PRKN: variants seen among roughly 807,000 people sequenced by gnomAD.
PRKN encodes the protein parkin RBR E3 ubiquitin protein ligase, also known as E3 ubiquitin-protein ligase parkin.
In PRKN, 56 loss-of-function variants were observed where a neutral mutation model predicts 59.5. The observed-to-expected ratio is 0.94, with a 90% CI of 0.76 to 1.18. PRKN has a LOEUF of 1.18. Among genes scored for constraint, PRKN ranks in the 50% most tolerant of loss-of-function variants. PRKN has a pLI of 0.00. For missense variants in PRKN, 657 were observed against 596.4 expected (o/e 1.10, Z -1.06); for synonymous variants, 250 against 222.1 (o/e 1.13, Z -1.12).
chr6:161,494,715 T>G (rs1436471101), intron 9 of PRKN, among the ~76,000 whole-genome samples: 2 of 152,236 alleles, frequency 1.3e-5, no homozygotes, highest in African/African-American at 4.8e-5. Context: ...AATAAGCACA[T>G]GTATTCCCAT....
At chr6:161,621,798 G>A (rs986260151) in intron 7 of PRKN, among the ~76,000 whole-genome samples, 1 of 152,148 alleles carries the variant, frequency 6.6e-6, no homozygotes, top group Non-Finnish European at 1.5e-5. Flanking sequence ...ACCCATAAAT[G>A]AGAAAGGATG....
intron 1 of PRKN, among the ~76,000 whole-genome samples, chr6:162,677,220 A>G (rs1238137647): frequency 4.6e-5 from 7 of 152,034 alleles, no homozygotes; most frequent in Non-Finnish European, 1.0e-4. Flanking sequence ...GCATCAAGGT[A>G]AGCAGCATCA....
intron 1 of PRKN, among the ~76,000 whole-genome samples, chr6:162,565,551 G>T (rs192982608): frequency 6.6e-6 from 1 of 152,054 alleles, no homozygotes; most frequent in East Asian, 1.9e-4. Flanking sequence ...TTAACCAGGC[G>T]TGGTGGTGTG....
chr6:162,554,293 C>A (rs557097481), intron 1 of PRKN, among the ~76,000 whole-genome samples: 38 of 152,130 alleles, frequency 2.5e-4, no homozygotes, highest in African/African-American at 8.9e-4. Flanking sequence ...CACCTGAGGT[C>A]GGGAGTTCAT....
At chr6:162,558,399 G>A (rs1305664423) in intron 1 of PRKN, among the ~76,000 whole-genome samples, 2 of 143,068 alleles carry the variant, frequency 1.4e-5, no homozygotes, top group Admixed American at 7.5e-5. Context: ...GCGCCATCTC[G>A]GCTCACTGCA....
At chr6:162,169,556 C>T (rs1376163589) in intron 4 of PRKN, among the ~76,000 whole-genome samples, 1 of 152,102 alleles carries the variant, frequency 6.6e-6, no homozygotes, top group Non-Finnish European at 1.5e-5. Flanking sequence ...ATTTCACTAC[C>T]TCATAGACAA....
intron 3 of PRKN, among the ~76,000 whole-genome samples, chr6:162,256,394 C>G (rs1779640962): frequency 6.6e-6 from 1 of 152,122 alleles, no homozygotes; most frequent in Admixed American, 6.6e-5. Context: ...TTACTCAGAA[C>G]AAATTTAGAA....
At chr6:162,543,327 T>C (rs564117560) in intron 1 of PRKN, among the ~76,000 whole-genome samples, 16 of 152,196 alleles carry the variant, frequency 1.1e-4, no homozygotes, top group South Asian at 1.0e-3. Context: ...CTTAGCGCCT[T>C]GGCCCAGAGC....
intron 7 of PRKN, among the ~76,000 whole-genome samples, chr6:161,649,597 A>T (rs1784078117): frequency 6.6e-6 from 1 of 152,236 alleles, no homozygotes; most frequent in African/African-American, 2.4e-5. Flanking sequence ...TATGAAAAGG[A>T]CATAAGAGAC....
chr6:162,205,590 T>A (rs1444683066), intron 3 of PRKN, among the ~76,000 whole-genome samples: 1 of 152,126 alleles, frequency 6.6e-6, no homozygotes, highest in Non-Finnish European at 1.5e-5. Context: ...CAACATATTG[T>A]AACAGAGCAA....
intron 6 of PRKN, among the ~76,000 whole-genome samples, chr6:161,951,015 A>T (rs972963284): frequency 1.4e-4 from 14 of 100,556 alleles, no homozygotes; most frequent in Non-Finnish European, 1.2e-4. Flanking sequence ...ATAAATTATA[A>T]TTTTTTTTTA....
At chr6:161,891,087 G>C (rs1159842266) in intron 6 of PRKN, among the ~76,000 whole-genome samples, 1 of 152,144 alleles carries the variant, frequency 6.6e-6, no homozygotes, top group African/African-American at 2.4e-5. Flanking sequence ...TTATGAGGGG[G>C]CATTCTTTTA....
intron 8 of PRKN, among the ~76,000 whole-genome samples, chr6:161,556,491 T>C (rs1031867814): frequency 6.6e-5 from 10 of 152,202 alleles, no homozygotes; most frequent in African/African-American, 2.4e-4. Context: ...CTAAGTTACC[T>C]TCGAGATATA....
intron 9 of PRKN, among the ~76,000 whole-genome samples, chr6:161,434,369 C>G (rs909632535): frequency 6.6e-6 from 1 of 152,150 alleles, no homozygotes; most frequent in Admixed American, 6.5e-5. Flanking sequence ...CTAACGTCTA[C>G]GGTGCAGGGT....
chr6:162,418,910 CAGGACA>C (rs1380776201), intron 2 of PRKN, among the ~76,000 whole-genome samples: 7 of 151,670 alleles, frequency 4.6e-5, no homozygotes, highest in Admixed American at 2.0e-4. Context: ...TGTGGGGCAC[CAGGACA>C]AGGACCCACC....
intron 6 of PRKN, among the ~76,000 whole-genome samples, chr6:161,922,163 C>A (rs1238831480): frequency 6.6e-6 from 1 of 152,082 alleles, no homozygotes; most frequent in South Asian, 2.1e-4. Flanking sequence ...TCCAATAAAC[C>A]CCCTGTTGTC....
rs10655636 is a variant in PRKN at position 162,711,420 on chromosome 6, T to TAAA, written c.7+16239_7+16241dup. 5.4e-3 allele frequency among the ~76,000 whole-genome samples: 775 copies of TAAA among 144,256 alleles called. 3 individuals are homozygous for TAAA. Among genetic ancestry groups the TAAA allele is most frequent in the Admixed American group, 7.4e-3 (108 of 14,524 alleles). The allele number at this position is 144,256 out of a possible 152,430, so 94.6% of individuals were successfully genotyped here. A position where few individuals can be genotyped will look rare whatever the true frequency, so the allele number is the denominator to read the frequency against. Reference sequence around the variant, plus strand: ...CAAGCTGTTGGTCAAAACTGCTATTTAAAAAAAAAAAAAAACCAGGAAAAG... The same window carrying TAAA: ...CAAGCTGTTGGTCAAAACTGCTATTTAAAAAAAAAAAAAAAAAACCAGGAAAAG... On this transcript the variant is annotated intron_variant, in intron 1 of 11. Coordinates refer to ENST00000366898, the MANE Select transcript of PRKN (RefSeq NM_004562.3).
intron 1 of PRKN, among the ~76,000 whole-genome samples, chr6:162,628,698 T>C (rs1782992065): frequency 6.6e-6 from 1 of 152,138 alleles, no homozygotes; most frequent in Non-Finnish European, 1.5e-5. Context: ...AATTATTGAA[T>C]AATAACAAAA....
intron 6 of PRKN, among the ~76,000 whole-genome samples, chr6:161,927,251 T>A (rs1779003307): frequency 6.6e-6 from 1 of 152,200 alleles, no homozygotes; most frequent in South Asian, 2.1e-4. Flanking sequence ...TCATATATTT[T>A]GAAGAGGATT....
Sources: allele counts gnomAD v4.1 joint callset (sites outside exome capture counted in the v4.1 genomes callset), GRCh38; gene constraint gnomAD v4.1.1; transcripts MANE v1.5; gene names NCBI Gene and HGNC (gene_info 2026-07-23, HGNC 2026-07-21).